Variants in CAMK2D observed in about 807,000 individuals in gnomAD.
CAMK2D encodes calcium/calmodulin-dependent protein kinase type II subunit delta.
Under a neutral mutation model 84.0 loss-of-function variants are expected in CAMK2D, and 37 were observed. That is an observed-to-expected ratio of 0.44 (90% confidence interval 0.34 to 0.58). The LOEUF (loss-of-function observed/expected upper bound fraction) is 0.58. Ranked by LOEUF, CAMK2D falls within the 20% of genes least tolerant of loss-of-function variation. The pLI, the probability that CAMK2D is intolerant of heterozygous loss-of-function variation, is 0.02. For synonymous variants in CAMK2D, 202 were observed against 212.5 expected (o/e 0.95, Z 0.43); for missense variants, 448 against 652.5 (o/e 0.69, Z 3.41).
chr4:113,595,288 C>G lies in CAMK2D; in HGVS notation c.275+13864G>C, dbSNP rs1015078922. On this transcript the variant is annotated intron_variant, in intron 4 of 20. Coordinates refer to ENST00000511664, the MANE Select transcript of CAMK2D (RefSeq NM_001321571.2). ...AAAGTTTTCAGGAGAAGAAAAATTACAAAGATTGGAAACTCAGATCTACAG... is the reference window on the plus strand; with the variant it reads ...AAAGTTTTCAGGAGAAGAAAAATTAGAAAGATTGGAAACTCAGATCTACAG... Among the ~76,000 whole-genome samples the G allele has an allele frequency of 1.5e-4, 23 of 151,952 alleles. 1 individual carries two copies. Among genetic ancestry groups the G allele is most frequent in the Non-Finnish European group, 2.6e-4 (18 of 67,962 alleles).
At chr4:113,531,151 T>C (rs532174163) in intron 8 of CAMK2D, 65 bp downstream of exon 8, 3 of 816,250 alleles carry the variant, frequency 3.7e-6, no homozygotes, top group African/African-American at 3.3e-5. Context: ...CAGATTGTTA[T>C]AGCAGACCAA....
At chr4:113,754,506 C>T in intron 2 of CAMK2D, 10 of 941,802 alleles carry the variant, frequency 1.1e-5, no homozygotes, top group Non-Finnish European at 1.1e-5. Context: ...TTCAACATTT[C>T]AATGGAAATG....
intron 4 of CAMK2D, among the ~76,000 whole-genome samples, chr4:113,606,350 A>T (rs996690193): frequency 2.4e-4 from 37 of 152,040 alleles, no homozygotes; most frequent in African/African-American, 8.7e-4. Context: ...CGCGCCTGTA[A>T]TCCCAGCTAC....
intron 4 of CAMK2D, among the ~76,000 whole-genome samples, chr4:113,584,609 T>G (rs1326770057): frequency 1.3e-5 from 2 of 152,154 alleles, no homozygotes; most frequent in Admixed American, 1.3e-4. Flanking sequence ...GTCAGTTCAC[T>G]TCTATTTTCA....
chr4:113,548,813 C>A, intron 5 of CAMK2D: 1 of 661,216 alleles, frequency 1.5e-6, no homozygotes, highest in Non-Finnish European at 2.7e-6. Flanking sequence ...ATGAAAGTCC[C>A]AATGAAACAA....
At chr4:113,547,960 T>C (rs1412623986) in intron 5 of CAMK2D, among the ~76,000 whole-genome samples, 1 of 152,204 alleles carries the variant, frequency 6.6e-6, no homozygotes, top group African/African-American at 2.4e-5. Flanking sequence ...GAAAACACTT[T>C]ATGTCATTCA....
chr4:113,636,301 T>G (rs1004222477), intron 3 of CAMK2D, among the ~76,000 whole-genome samples: 7 of 152,210 alleles, frequency 4.6e-5, no homozygotes, highest in Admixed American at 2.6e-4. Context: ...ATCCTGCATC[T>G]GACCACTGTG....
intron 5 of CAMK2D, chr4:113,548,599 T>C (rs1378823939): frequency 3.5e-6 from 3 of 846,826 alleles, no homozygotes; most frequent in African/African-American, 3.5e-5. Flanking sequence ...CTCTGCCCTT[T>C]CCCCAGAAAA....
chr4:113,640,523 T>C (rs2099128379), intron 3 of CAMK2D, among the ~76,000 whole-genome samples: 1 of 152,194 alleles, frequency 6.6e-6, no homozygotes. Flanking sequence ...AAAAGTTAGA[T>C]GATTAGGTAA....
intron 3 of CAMK2D, among the ~76,000 whole-genome samples, chr4:113,620,028 G>A (rs965612638): frequency 3.9e-5 from 6 of 152,164 alleles, no homozygotes; most frequent in Admixed American, 3.9e-4. Context: ...ACAAATGATG[G>A]GAATCACCAA....
At chr4:113,661,672 T>G in intron 3 of CAMK2D, 41 bp downstream of exon 3, 1 of 915,508 alleles carries the variant, frequency 1.1e-6, no homozygotes, top group Non-Finnish European at 1.6e-6. Flanking sequence ...AACATAAAAT[T>G]TTAAATTAAC....
intron 16 of CAMK2D, among the ~76,000 whole-genome samples, chr4:113,493,457 G>A (rs2097874957): frequency 6.6e-6 from 1 of 152,044 alleles, no homozygotes; most frequent in African/African-American, 2.4e-5. Context: ...CTTTAAGAAT[G>A]TTGAATATTG....
At chr4:113,722,528 T>C (rs2099533728) in intron 2 of CAMK2D, among the ~76,000 whole-genome samples, 1 of 152,216 alleles carries the variant, frequency 6.6e-6, no homozygotes, top group East Asian at 1.9e-4. Flanking sequence ...GCTCTTTATT[T>C]ATATGCAAGC....
At chr4:113,551,543 T>C (rs561884152) in intron 5 of CAMK2D, among the ~76,000 whole-genome samples, 1 of 152,328 alleles carries the variant, frequency 6.6e-6, no homozygotes, top group African/African-American at 2.4e-5. Flanking sequence ...AAATGTTCTA[T>C]ATCTGGTCTG....
chr4:113,644,043 T>C (rs1393599422), intron 3 of CAMK2D, among the ~76,000 whole-genome samples: 1 of 152,218 alleles, frequency 6.6e-6, no homozygotes, highest in African/African-American at 2.4e-5. Context: ...TTCTAGTTTA[T>C]ACCTATTATT....
chr4:113,570,496 C>A (rs1198334163), intron 4 of CAMK2D, among the ~76,000 whole-genome samples: 1 of 152,098 alleles, frequency 6.6e-6, no homozygotes, highest in Non-Finnish European at 1.5e-5. Flanking sequence ...CAAATACATA[C>A]ATTTATGGTC....
chr4:113,684,038 G>A (rs1365226589), intron 2 of CAMK2D, among the ~76,000 whole-genome samples: 1 of 152,122 alleles, frequency 6.6e-6, no homozygotes, highest in Admixed American at 6.5e-5. Context: ...TCATGGAATT[G>A]TTGAGAGATT....
chr4:113,565,228 G>A (rs953384343), intron 4 of CAMK2D, among the ~76,000 whole-genome samples: 1 of 152,192 alleles, frequency 6.6e-6, no homozygotes, highest in Non-Finnish European at 1.5e-5. Flanking sequence ...GTGATTAGAA[G>A]TGAAGCTGGG....
At chr4:113,713,943 A>AT (rs1349934278) in intron 2 of CAMK2D, among the ~76,000 whole-genome samples, 1 of 151,568 alleles carries the variant, frequency 6.6e-6, no homozygotes. Flanking sequence ...AGTTCTATTA[A>AT]TTTTTTACTG....
Sources: allele counts gnomAD v4.1 joint callset (sites outside exome capture counted in the v4.1 genomes callset), GRCh38; gene constraint gnomAD v4.1.1; transcripts MANE v1.5; gene names NCBI Gene and HGNC (gene_info 2026-07-23, HGNC 2026-07-21).